The following PNPT1 variants were observed in gnomAD, a reference collection of about 807,000 sequenced individuals.
The protein encoded by PNPT1 is polyribonucleotide nucleotidyltransferase 1, mitochondrial.
Under a neutral mutation model 119.5 loss-of-function variants are expected in PNPT1, and 53 were observed. The observed-to-expected ratio is 0.44, with a 90% CI of 0.36 to 0.56. The LOEUF (loss-of-function observed/expected upper bound fraction) is 0.56. Ranked by LOEUF, PNPT1 falls within the 20% of genes least tolerant of loss-of-function variation. PNPT1 has a pLI of 0.00. For missense variants in PNPT1, 948 were observed against 938.5 expected, an observed-to-expected ratio of 1.01 and a Z score of -0.13; for synonymous variants, 357 against 322.1, an observed-to-expected ratio of 1.11 and a Z score of -1.16.
At position 55,643,441 on chromosome 2, in the gene PNPT1, T is replaced by G. The variant is rs528494490; in HGVS notation, c.1907-16A>C. The stretch of plus-strand genomic sequence containing the variant: ...ATAGTTACACCTTTTAAAAACAAAA[T>G]GTAACATATTAAAGTTAACTTGGCT... On this transcript the variant is annotated splice_polypyrimidine_tract_variant and intron_variant, in intron 23 of 27. Transcript: ENST00000447944. 8 of 1,607,194 alleles carry G rather than the reference T, an allele frequency of 5.0e-6. No individual in the cohort carries two copies. In the South Asian group the frequency reaches 8.8e-5, roughly 18 times the overall value.
rs1696907720 is a variant in PNPT1, at chr2:55,671,338, A to G, written c.957T>C (p.Asp319=). 1 of 1,543,252 alleles carries G rather than the reference A, an allele frequency of 6.5e-7. No homozygotes were observed. The change falls in exon 11 of 28, where the codon GAT becomes GAC. Residue 319 remains aspartate, a synonymous_variant. Transcript: ENST00000447944. ...ATTTACCTTTTAGTTGTTCCTCCGT[A>G]TCTAATCTTATTTTGTTAACAGCTT... ...RDEAVNKIRL[D]TEEQLKEKFP... is the part of the protein sequence containing the mutation.
chr2:55,649,074 C>A (rs1696090817), intron 18 of PNPT1, among the ~76,000 whole-genome samples: 1 of 152,138 alleles, frequency 6.6e-6, no homozygotes, highest in African/African-American at 2.4e-5. Context: ...CTGTGCCAAA[C>A]CCTGGACCTG....
chr2:55,682,232 C>T lies in PNPT1; in HGVS notation c.454-1314G>A, dbSNP rs187059559. Among the ~76,000 whole-genome samples the T allele has an allele frequency of 4.7e-4, 72 of 151,934 alleles. No individual in the cohort carries two copies. The Middle Eastern group carries it at 0.014, about 29-fold the overall frequency. ...CCAGCACTTTGAGAGGCTGAGGCAG[C>T]GGATCACTTGAGGTCACGAGTTCAA... is the stretch of plus-strand genomic sequence containing the variant. On this transcript the variant is annotated intron_variant, in intron 5 of 27. Transcript: ENST00000447944.
intron 26 of PNPT1, among the ~76,000 whole-genome samples, chr2:55,638,863 C>T (rs1013647445): frequency 2.6e-5 from 4 of 151,894 alleles, no homozygotes; most frequent in Non-Finnish European, 5.9e-5. Flanking sequence ...CAACCTCTTC[C>T]TCCCAGGTTC....
intron 8 of PNPT1, among the ~76,000 whole-genome samples, chr2:55,677,731 TTTTG>T (rs1356024423): frequency 2.0e-5 from 3 of 152,044 alleles, no homozygotes; most frequent in Non-Finnish European, 2.9e-5. Context: ...TCTGTGTCTT[TTTTG>T]TTTGTTTGCT....
chr2:55,674,695 G>C (rs571208025), intron 8 of PNPT1, among the ~76,000 whole-genome samples: 2 of 152,286 alleles, frequency 1.3e-5, no homozygotes, highest in East Asian at 3.9e-4. Flanking sequence ...TGAAGCAAAA[G>C]CAAAAATTGT....
At chr2:55,645,468 AAAC>A (rs772348207) in intron 21 of PNPT1, 36 bp from the exon 22 acceptor site, 1 of 1,343,926 alleles carries the variant, frequency 7.4e-7, no homozygotes, top group Non-Finnish European at 1.1e-6. Context: ...TAACTACATA[AAAC>A]AAATATGATC....
chr2:55,690,821 C>A (rs1256804721), intron 1 of PNPT1, among the ~76,000 whole-genome samples: 1 of 152,026 alleles, frequency 6.6e-6, no homozygotes, highest in Non-Finnish European at 1.5e-5. Context: ...GAATGAGGTA[C>A]AGAGAGGCTG....
At position 55,672,021 on chromosome 2, in the gene PNPT1, C is replaced by T. The variant is rs534505993; in HGVS notation, c.892G>A (p.Val298Ile). The change falls in exon 10 of 28, where the codon GTT (valine) becomes ATT (isoleucine). Residue 298 changes from valine to isoleucine, a missense_variant. By Grantham distance (29) the Val-to-Ile change is conservative. Coordinates refer to ENST00000447944, the MANE Select transcript of PNPT1 (RefSeq NM_033109.5). ...TTGTCATGCTCGTAATCTGTAAAAA[C>T]TGCATAGAGTCTCTCCATAGCAAGT... ...HKLAMERLYAVFTDYEHDKVS... is the reference protein window; with the variant it reads ...HKLAMERLYAIFTDYEHDKVS... 13 of 1,603,124 alleles carry T rather than the reference C, an allele frequency of 8.1e-6. No homozygotes were observed. Among genetic ancestry groups the T allele is most frequent in the African/African-American group, 4.0e-5 (3 of 74,468 alleles).
At chr2:55,658,775 G>T (rs886422770) in intron 15 of PNPT1, among the ~76,000 whole-genome samples, 2 of 152,202 alleles carry the variant, frequency 1.3e-5, no homozygotes, top group African/African-American at 4.8e-5. Context: ...AGGGATTCAA[G>T]ACCTGTATGA....
intron 1 of PNPT1, among the ~76,000 whole-genome samples, chr2:55,691,874 ATATATTT>A (rs1314607131): frequency 8.1e-5 from 1 of 12,370 alleles, no homozygotes; most frequent in African/African-American, 1.9e-4. Flanking sequence ...ATATATATAT[ATATATTT>A]TTTTTTTTTT....
chr2:55,640,582 T>C (rs1423542804), intron 26 of PNPT1, 45 bp downstream of exon 26: 2 of 1,447,396 alleles, frequency 1.4e-6, no homozygotes, highest in Non-Finnish European at 1.9e-6. Context: ...ATACAGTGTT[T>C]CAAGGCAGTT....
chr2:55,651,900 A>AC (rs1394735021), intron 18 of PNPT1, among the ~76,000 whole-genome samples: 1 of 151,314 alleles, frequency 6.6e-6, no homozygotes, highest in African/African-American at 2.4e-5. Context: ...AAAAAAAAAA[A>AC]AAAACAATAA....
At chr2:55,638,551 A>T (rs1337195503) in intron 26 of PNPT1, among the ~76,000 whole-genome samples, 1 of 151,876 alleles carries the variant, frequency 6.6e-6, no homozygotes, top group Non-Finnish European at 1.5e-5. Context: ...CCAGAGGCTA[A>T]GGTGGGAGAA....
At chr2:55,681,133 G>A (rs1697233826) in intron 5 of PNPT1, among the ~76,000 whole-genome samples, 4 of 152,188 alleles carry the variant, frequency 2.6e-5, no homozygotes, top group Admixed American at 2.0e-4. Context: ...CAGGCCAGGC[G>A]TGGTGGCTCA....
Position 55,693,717 on chromosome 2 carries a change from C to A in PNPT1, c.107G>T (p.Arg36Leu). Residue 36 changes from arginine to leucine, a missense_variant, in exon 1 of 28, where the codon CGA becomes CTA. By Grantham distance (102) the Arg-to-Leu change is moderately radical (BLOSUM62 -2). Transcript: ENST00000447944. ...AGACCCTGCGCTACTCCATAGTGCT[C>A]GCACTTGCAACTGGGTGAGTGCCCG... The part of the protein sequence containing the change: ...RDRALTQLQV[R>L]ALWSSAGSRA... 6.2e-7 allele frequency: 1 copy of A among 1,614,224 alleles called. No individual in the cohort carries two copies. The highest frequency in any genetic ancestry group is 2.2e-5 in the East Asian group (1 of 44,880).
intron 26 of PNPT1, among the ~76,000 whole-genome samples, chr2:55,638,748 C>T (rs1367599734): frequency 6.6e-6 from 1 of 151,950 alleles, no homozygotes; most frequent in Non-Finnish European, 1.5e-5. Flanking sequence ...AAAAATGGAC[C>T]CTCTGTGCTT....
In PNPT1 at chr2:55,666,567, G is replaced by A. The variant is rs1447625229; in HGVS notation, c.1176+424C>T. 4.6e-5 allele frequency among the ~76,000 whole-genome samples: 7 copies of A among 152,188 alleles called. 1 individual carries two copies. The highest frequency in any genetic ancestry group is 1.9e-4 in the East Asian group (1 of 5,198). ...ATAAAAAACACACCAAAGGCCAGGC[G>A]TGGTGGCTCATGCCTGTATCCCAGA... On this transcript the variant is annotated intron_variant, in intron 13 of 27. Coordinates refer to ENST00000447944, the MANE Select transcript of PNPT1 (RefSeq NM_033109.5).
At chr2:55,658,632 C>G (rs1696466027) in intron 15 of PNPT1, among the ~76,000 whole-genome samples, 2 of 152,162 alleles carry the variant, frequency 1.3e-5, no homozygotes, top group South Asian at 4.1e-4. Context: ...TCAGCTAGAC[C>G]TCCATTTTGC....
Sources: allele counts gnomAD v4.1 joint callset (sites outside exome capture counted in the v4.1 genomes callset), GRCh38; gene constraint gnomAD v4.1.1; transcripts MANE v1.5; gene names NCBI Gene and HGNC (gene_info 2026-07-23, HGNC 2026-07-21).